Variants in GRID2 observed in about 807,000 individuals in gnomAD.
GRID2 encodes glutamate ionotropic receptor delta type subunit 2, also known as glutamate receptor ionotropic, delta-2.
Under a neutral mutation model 114.8 loss-of-function variants are expected in GRID2, and 33 were observed. The observed-to-expected ratio is 0.29, with a 90% CI of 0.22 to 0.38. The LOEUF (loss-of-function observed/expected upper bound fraction) is 0.38, where lower values mean the gene tolerates loss of function less well. GRID2 is among the 10% of genes least tolerant of loss of function. GRID2 has a pLI of 1.00. For missense variants in GRID2, 1,184 were observed against 1,257.7 expected, an observed-to-expected ratio of 0.94 and a Z score of 0.89; for synonymous variants, 505 against 449.9, an observed-to-expected ratio of 1.12 and a Z score of -1.55.
chr4:92,801,880 G>T (rs991995977), intron 2 of GRID2, among the ~76,000 whole-genome samples: 17 of 151,586 alleles, frequency 1.1e-4, no homozygotes, highest in South Asian at 2.1e-4. Flanking sequence ...AAGTTAAATC[G>T]CTATTCCTCT....
At chr4:92,462,336 T>G (rs1721538541) in intron 1 of GRID2, among the ~76,000 whole-genome samples, 1 of 152,038 alleles carries the variant, frequency 6.6e-6, no homozygotes, top group Admixed American at 6.6e-5. Flanking sequence ...ACTATCCTTA[T>G]CTATTGAGGG....
At chr4:92,800,553 C>T (rs1471248019) in intron 2 of GRID2, among the ~76,000 whole-genome samples, 2 of 151,910 alleles carry the variant, frequency 1.3e-5, no homozygotes, top group Non-Finnish European at 2.9e-5. Flanking sequence ...ATACATGGTT[C>T]AGAATAACAA....
At chr4:93,191,060 A>T (rs1172832066) in intron 4 of GRID2, among the ~76,000 whole-genome samples, 1 of 152,082 alleles carries the variant, frequency 6.6e-6, no homozygotes, top group Non-Finnish European at 1.5e-5. Context: ...AGTATTAAAA[A>T]TTTCAGATAA....
intron 9 of GRID2, among the ~76,000 whole-genome samples, chr4:93,412,236 C>A (rs1025969151): frequency 7.3e-5 from 11 of 151,064 alleles, no homozygotes; most frequent in East Asian, 2.0e-4. Context: ...CCATCCCCCC[C>A]CCCCAAAAAA....
intron 12 of GRID2, among the ~76,000 whole-genome samples, chr4:93,506,165 C>T (rs1018735431): frequency 6.6e-6 from 1 of 152,182 alleles, no homozygotes; most frequent in Admixed American, 6.6e-5. Flanking sequence ...TTCCCAAGGG[C>T]ATCTACTTTA....
At chr4:92,676,730 C>CA (rs900219603) in intron 2 of GRID2, among the ~76,000 whole-genome samples, 39 of 150,276 alleles carry the variant, frequency 2.6e-4, no homozygotes, top group Non-Finnish European at 3.9e-4. Flanking sequence ...AGCAATTCCT[C>CA]AAAAAAAAAG....
chr4:92,582,905 T>C (rs1728250226), intron 1 of GRID2, among the ~76,000 whole-genome samples: 2 of 151,928 alleles, frequency 1.3e-5, no homozygotes, highest in South Asian at 4.1e-4. Context: ...GAGGATCAGG[T>C]GAGTCGGGGA....
Position 93,110,754 on chromosome 4 carries a change from G to A in GRID2, c.536G>A (p.Arg179His), listed in dbSNP as rs1177033683. The change falls in exon 4 of 16, where the codon CGT becomes CAT. Residue 179 changes from arginine (R) to histidine (H), a missense_variant. Physicochemically the swap from Arg to His is conservative, Grantham distance 29. Around this residue, in one of 3 missense-constraint regions of GRID2, gnomAD observed 455 missense variants for 429.5 expected, o/e 1.06. Coordinates refer to ENST00000282020, the MANE Select transcript of GRID2 (RefSeq NM_001510.4). Reference sequence around the variant, plus strand: ...GGGCTTTTGATGTTTCCAGATATCCGTGGAATACAGGAGTTCTTGGACAAA... The same window carrying A: ...GGGCTTTTGATGTTTCCAGATATCCATGGAATACAGGAGTTCTTGGACAAA... ...IIFYDSEYDIRGIQEFLDKVS... is the reference protein window; with the variant it reads ...IIFYDSEYDIHGIQEFLDKVS... The A allele has an allele frequency of 3.7e-6, 6 of 1,604,614 alleles. No individual in the cohort carries two copies. Among genetic ancestry groups the A allele is most frequent in the East Asian group, 2.2e-5 (1 of 44,828 alleles).
intron 14 of GRID2, among the ~76,000 whole-genome samples, chr4:93,690,409 A>G (rs1372351733): frequency 1.3e-5 from 2 of 152,144 alleles, no homozygotes; most frequent in East Asian, 1.9e-4. Context: ...ATAATTTAAA[A>G]TAACACTGCA....
intron 2 of GRID2, among the ~76,000 whole-genome samples, chr4:92,719,393 G>A (rs968723376): frequency 2.0e-5 from 3 of 152,066 alleles, no homozygotes; most frequent in African/African-American, 7.2e-5. Flanking sequence ...ATCTCTAATG[G>A]TTCCTTGTAC....
At chr4:93,016,221 A>C (rs2149239025) in intron 2 of GRID2, among the ~76,000 whole-genome samples, 1 of 152,196 alleles carries the variant, frequency 6.6e-6, no homozygotes, top group African/African-American at 2.4e-5. Context: ...ATGTATCAAA[A>C]ATTGGAATAG....
At chr4:92,399,800 T>C (rs760210308) in intron 1 of GRID2, among the ~76,000 whole-genome samples, 7 of 152,070 alleles carry the variant, frequency 4.6e-5, no homozygotes, top group African/African-American at 1.4e-4. Context: ...TTTAAAGATA[T>C]ATCTCAACTA....
intron 8 of GRID2, among the ~76,000 whole-genome samples, chr4:93,270,195 C>A (rs998014120): frequency 1.3e-4 from 18 of 140,070 alleles, no homozygotes; most frequent in Non-Finnish European, 1.5e-4. Flanking sequence ...TCAATATAAT[C>A]TCTCTCTCTC....
chr4:93,156,606 T>C (rs1053712524), intron 4 of GRID2, among the ~76,000 whole-genome samples: 9 of 151,714 alleles, frequency 5.9e-5, no homozygotes, highest in African/African-American at 1.7e-4. Flanking sequence ...TAAGACTGGA[T>C]ATAATAGACT....
At chr4:92,383,707 C>G (rs10026721) in intron 1 of GRID2, among the ~76,000 whole-genome samples, 4,697 of 151,952 alleles carry the variant, frequency 0.031, 243 homozygotes, top group African/African-American at 0.11. Flanking sequence ...CTACCTCTCC[C>G]TCCTCCAATG....
At chr4:92,954,106 T>C (rs776940329) in intron 2 of GRID2, among the ~76,000 whole-genome samples, 17 of 152,220 alleles carry the variant, frequency 1.1e-4, no homozygotes, top group African/African-American at 3.4e-4. Flanking sequence ...CACACACATA[T>C]ATGCACAGCA....
At chr4:93,365,370 A>G (rs1762242629) in intron 8 of GRID2, among the ~76,000 whole-genome samples, 1 of 152,188 alleles carries the variant, frequency 6.6e-6, no homozygotes, top group Non-Finnish European at 1.5e-5. Context: ...TAAAGATCAA[A>G]TAGATATGTT....
At chr4:92,415,635 A>G (rs1292252218) in intron 1 of GRID2, among the ~76,000 whole-genome samples, 1 of 150,330 alleles carries the variant, frequency 6.7e-6, no homozygotes, top group Admixed American at 6.7e-5. Flanking sequence ...GGGTGCTGCA[A>G]ATGTCACTAT....
chr4:92,454,888 G>A (rs1423047413), intron 1 of GRID2, among the ~76,000 whole-genome samples: 9 of 152,118 alleles, frequency 5.9e-5, no homozygotes, highest in Admixed American at 5.9e-4. Flanking sequence ...ATTACTTTCC[G>A]ATTATTCACA....
Sources: gnomAD v4.1 joint callset for allele counts (sites outside exome capture counted in the v4.1 genomes callset) on GRCh38, gnomAD v4.1.1 for gene constraint, gnomAD v4.1.1 regional missense constraint, MANE v1.5 for transcripts, NCBI Gene and HGNC (gene_info 2026-07-23, HGNC 2026-07-21) for gene names.